Variants in ZKSCAN2 observed in about 807,000 individuals in gnomAD.
The protein encoded by ZKSCAN2 is zinc finger protein with KRAB and SCAN domains 2.
In ZKSCAN2, 38 loss-of-function variants were observed where a neutral mutation model predicts 90.5. The ratio of observed to expected loss-of-function variants is 0.42; its 90% CI spans 0.32 to 0.55. The LOEUF (loss-of-function observed/expected upper bound fraction) is 0.55. Ranked by LOEUF, ZKSCAN2 falls within the 20% of genes least tolerant of loss-of-function variation. The pLI, the probability that ZKSCAN2 is intolerant of heterozygous loss-of-function variation, is 0.11. For synonymous variants in ZKSCAN2, 429 were observed against 421.6 expected, an observed-to-expected ratio of 1.02 and a Z score of -0.22; for missense variants, 1,167 against 1,202.6, an observed-to-expected ratio of 0.97 and a Z score of 0.44.
intron 3 of ZKSCAN2, among the ~76,000 whole-genome samples, chr16:25,252,311 T>A (rs1328646538): frequency 6.6e-6 from 1 of 152,054 alleles, no homozygotes; most frequent in Non-Finnish European, 1.5e-5. Context: ...GGACTATAAG[T>A]GTATTTACAG....
chr16:25,257,059 C>T lies in ZKSCAN2; in HGVS notation c.69G>A (p.Val23=), dbSNP rs1161286775. The change falls in exon 1 of 7, where the codon GTG becomes GTA. Residue 23 remains valine, a synonymous_variant. Coordinates refer to ENST00000328086, the MANE Select transcript of ZKSCAN2 (RefSeq NM_001012981.5). ...CTGATGCCCACTCAGGGTCCTTTTCCACCTTCATTATTAGGCATCCCTCAA... is the reference window on the plus strand; with the variant it reads ...CTGATGCCCACTCAGGGTCCTTTTCTACCTTCATTATTAGGCATCCCTCAA... ...LEVEGCLIMK[V]EKDPEWASEP... 5.6e-6 allele frequency: 9 copies of T among 1,613,898 alleles called. No individual in the cohort carries two copies. The highest frequency in any genetic ancestry group is 5.0e-5 in the Admixed American group (3 of 59,978).
chr16:25,242,882 T>C (rs919276724), intron 6 of ZKSCAN2, among the ~76,000 whole-genome samples: 8 of 152,168 alleles, frequency 5.3e-5, no homozygotes, highest in Non-Finnish European at 8.8e-5. Context: ...TGGCTAATGG[T>C]AACTGAAGAG....
chr16:25,252,785 T>G (rs1963040256), intron 3 of ZKSCAN2, among the ~76,000 whole-genome samples, 161 bp downstream of exon 3: 1 of 151,958 alleles, frequency 6.6e-6, no homozygotes, highest in Admixed American at 6.6e-5. Flanking sequence ...TGTGGTGGCA[T>G]GCACCTGTGG....
Position 25,255,295 on chromosome 16 carries a change from G to A in ZKSCAN2, c.497C>T (p.Ala166Val), listed in dbSNP as rs140961331. The change falls in exon 2 of 7, where the codon GCG becomes GTG. Residue 166 changes from alanine to valine, a missense_variant. By Grantham distance (64) the Ala-to-Val change is moderately conservative. Transcript: ENST00000328086. ...GCTTCCAGGTTCCTCCCGAGACACC[G>A]CCCTGGGTTGGGTCTCCACCTGCTC... ...QPEQVETQPR[A>V]VSREEPGSLH... is the part of the protein sequence containing the mutation. The A allele has an allele frequency of 7.1e-5, 115 of 1,613,606 alleles. No individual in the cohort carries two copies. In the African/African-American group the frequency reaches 1.0e-3, roughly 15 times the overall value.
chr16:25,242,910 T>C (rs528810068), intron 6 of ZKSCAN2, among the ~76,000 whole-genome samples: 1 of 152,316 alleles, frequency 6.6e-6, no homozygotes. Flanking sequence ...ATAGACGTGA[T>C]AGTCTGGATG....
intron 5 of ZKSCAN2, among the ~76,000 whole-genome samples, chr16:25,245,353 C>T (rs1353356803): frequency 1.3e-5 from 2 of 152,214 alleles, no homozygotes; most frequent in African/African-American, 4.8e-5. Flanking sequence ...ATCCTCCCAT[C>T]TCAGTCTCCT....
In ZKSCAN2 at chr16:25,240,805, C is replaced by G. The variant is rs1597639128; in HGVS notation, c.1982-67G>C. ...TATTAACCATAAACAACCTGGCTTGCAAGGCTTGATCCGCTTGCTCTCCAT... is the reference window on the plus strand; with the variant it reads ...TATTAACCATAAACAACCTGGCTTGGAAGGCTTGATCCGCTTGCTCTCCAT... On this transcript the variant is annotated intron_variant, in intron 6 of 6. Coordinates refer to ENST00000328086, the MANE Select transcript of ZKSCAN2 (RefSeq NM_001012981.5). 15 of 1,390,510 alleles carry G rather than the reference C, an allele frequency of 1.1e-5. No homozygotes were observed. The East Asian group carries it at 3.4e-4, about 32-fold the overall frequency. 86.1% of individuals were successfully genotyped at this position (1,390,510 alleles called of 1,614,324 possible).
rs371273297 is a variant in ZKSCAN2, at chr16:25,241,340, G to A, written c.1982-602C>T. ...ACTACATCTTGGATCCAGATTTTCT[G>A]TTAAGTTTTCTGGACAGAGAGCATG... On this transcript the variant is annotated intron_variant, in intron 6 of 6. Coordinates refer to ENST00000328086, the MANE Select transcript of ZKSCAN2 (RefSeq NM_001012981.5). Among the ~76,000 whole-genome samples the A allele has an allele frequency of 5.3e-5, 8 of 152,264 alleles. 1 individual carries two copies.
rs1310511570 is a variant in ZKSCAN2 at position 25,240,110 on chromosome 16, G to A, written c.2610C>T (p.Asn870=). The change falls in exon 7 of 7, where the codon AAC becomes AAT. Residue 870 remains asparagine (N), a synonymous_variant. Coordinates refer to ENST00000328086, the MANE Select transcript of ZKSCAN2 (RefSeq NM_001012981.5). ...TCCGGTGGGCGCTGAAATGAGAACTGTTGGTGAAACTTTTCCCACACTCTC... is the reference window on the plus strand; with the variant it reads ...TCCGGTGGGCGCTGAAATGAGAACTATTGGTGAAACTTTTCCCACACTCTC... The part of the protein sequence containing the change: ...QCGECGKSFT[N]SSHFSAHRRV... The A allele has an allele frequency of 6.2e-7, 1 of 1,613,384 alleles. No homozygotes were observed. The highest frequency in any genetic ancestry group is 1.7e-5 in the Admixed American group (1 of 59,952).
At position 25,247,392 on chromosome 16, in the gene ZKSCAN2, T is replaced by C. The variant is rs200307866; in HGVS notation, c.806-2A>G. ...TGTTAGATGTAGACACTGCACTTCC[T>C]ACAGTAAAATAAACATATTTCATGG... On this transcript the variant is annotated splice_acceptor_variant, in intron 4 of 6. Coordinates refer to ENST00000328086, the MANE Select transcript of ZKSCAN2 (RefSeq NM_001012981.5). LOFTEE classifies it high-confidence loss of function. The C allele has an allele frequency of 6.3e-7, 1 of 1,595,710 alleles. No individual in the cohort carries two copies. The highest frequency in any genetic ancestry group is 2.2e-5 in the East Asian group (1 of 44,736).
chr16:25,247,736 G>C (rs1962955291), intron 4 of ZKSCAN2, among the ~76,000 whole-genome samples: 1 of 152,148 alleles, frequency 6.6e-6, no homozygotes, highest in Non-Finnish European at 1.5e-5. Context: ...GTAAAATAAA[G>C]TGTATCTTTT....
At chr16:25,253,900 C>T (rs1375816162) in intron 2 of ZKSCAN2, among the ~76,000 whole-genome samples, 5 of 152,156 alleles carry the variant, frequency 3.3e-5, no homozygotes, top group East Asian at 1.9e-4. Context: ...CCCAGCTACT[C>T]GAGAGACTGA....
At position 25,255,224 on chromosome 16, in the gene ZKSCAN2, G is replaced by A. The variant is rs188902981; in HGVS notation, c.568C>T (p.Arg190Trp). 1.3e-4 allele frequency: 203 copies of A among 1,607,244 alleles called. 2 individuals carry two copies. The East Asian group carries it at 4.2e-3, about 34-fold the overall frequency. ...QEQLNRKRER[R>W]PLPKNARPSP... The stretch of plus-strand genomic sequence containing the variant: ...CTCTTACCATTCTTGGGTAAGGGCC[G>A]ACGTTCTCGCTTTCGGTTCAGCTGT... Residue 190 changes from arginine (R) to tryptophan (W), a missense_variant, in exon 2 of 7, where the codon CGG becomes TGG. Physicochemically the swap from Arg to Trp is moderately radical, Grantham distance 101. Coordinates refer to ENST00000328086, the MANE Select transcript of ZKSCAN2 (RefSeq NM_001012981.5).
Position 25,240,380 on chromosome 16 carries a change from A to G in ZKSCAN2, c.2340T>C (p.Cys780=). 6.2e-7 allele frequency: 1 copy of G among 1,614,132 alleles called. No homozygotes were observed. Among genetic ancestry groups the G allele is most frequent in the East Asian group, 2.2e-5 (1 of 44,876 alleles). The change falls in exon 7 of 7, where the codon TGT becomes TGC. Residue 780 remains cysteine (C), a synonymous_variant. Coordinates refer to ENST00000328086, the MANE Select transcript of ZKSCAN2 (RefSeq NM_001012981.5). ...TCCTGCTTCTACCAAAGCACTTCCC[A>G]CAGACACCACACTTGTAAGGATTCT... ...HKENPYKCGV[C]GKCFGRSRSL...
chr16:25,256,999 G>C lies in ZKSCAN2; in HGVS notation c.129C>G (p.Thr43=). ...AGAATTGCCTGAAGCATTTGCGGAA[G>C]GTCTCAGAGCTATCCGATCCTTCCA... is the stretch of plus-strand genomic sequence containing the variant. ...PILEGSDSSE[T]FRKCFRQFCY... Residue 43 remains threonine (T), a synonymous_variant, in exon 1 of 7, where the codon ACC becomes ACG. Transcript: ENST00000328086. 6.2e-7 allele frequency: 1 copy of C among 1,614,208 alleles called. No individual in the cohort carries two copies.
In ZKSCAN2 at chr16:25,255,505, C is replaced by A. The variant is rs577660493; in HGVS notation, c.400-113G>T. 261 of 1,170,044 alleles carry A rather than the reference C, an allele frequency of 2.2e-4. 2 individuals are homozygous for A. In the Admixed American group the frequency reaches 6.7e-3, roughly 30 times the overall value. 72.5% of individuals were successfully genotyped at this position (1,170,044 alleles called of 1,614,324 possible). A position where few individuals can be genotyped will look rare whatever the true frequency, so the allele number is the denominator to read the frequency against. On this transcript the variant is annotated intron_variant, in intron 1 of 6. Transcript: ENST00000328086. The stretch of plus-strand genomic sequence containing the variant: ...AGAGACATGAGAAGGAATGAAAATT[C>A]CACTCCATTCCCAGTGGAGTCTCTG...
Position 25,240,094 on chromosome 16 carries a change from C to T in ZKSCAN2, c.2626G>A (p.Ala876Thr), listed in dbSNP as rs146263630. The T allele has an allele frequency of 5.1e-4, 818 of 1,613,458 alleles. 1 individual carries two copies. Among genetic ancestry groups the T allele is most frequent in the Non-Finnish European group, 6.3e-4 (740 of 1,179,978 alleles). ...TCCCCAGTGTGAACTCTCCGGTGGG[C>T]GCTGAAATGAGAACTGTTGGTGAAA... ...KSFTNSSHFSAHRRVHTGENP... is the reference protein window; with the variant it reads ...KSFTNSSHFSTHRRVHTGENP... Residue 876 changes from alanine (A) to threonine (T), a missense_variant, in exon 7 of 7, where the codon GCC (alanine) becomes ACC (threonine). Coordinates refer to ENST00000328086, the MANE Select transcript of ZKSCAN2 (RefSeq NM_001012981.5).
Position 25,236,271 on chromosome 16 carries a change from T to G in ZKSCAN2, c.*3545A>C, listed in dbSNP as rs1039500475. 1 of 152,284 alleles carries G rather than the reference T, an allele frequency of 6.6e-6. No individual in the cohort carries two copies. The highest frequency in any genetic ancestry group is 1.5e-5 in the Non-Finnish European group (1 of 68,086). The allele number at this position is 152,284 out of a possible 1,614,324, so 9.4% of individuals were successfully genotyped here. A position where few individuals can be genotyped will look rare whatever the true frequency, so the allele number is the denominator to read the frequency against. Reference sequence around the variant, plus strand: ...GAGGCTTCCTTCACTTCAGCCTACCTGCCACTGGTTATCGAGGTGCTTGGG... The same window carrying G: ...GAGGCTTCCTTCACTTCAGCCTACCGGCCACTGGTTATCGAGGTGCTTGGG... On this transcript the variant is annotated 3_prime_UTR_variant, in exon 7 of 7. Transcript: ENST00000328086.
Position 25,239,200 on chromosome 16 carries a change from T to C in ZKSCAN2, c.*616A>G, listed in dbSNP as rs1962810773. Reference sequence around the variant, plus strand: ...CTCACCTCCATGGAGGGCAAGGCATTAGTAACAGGATTTCAGTGACAATAC... The same window carrying C: ...CTCACCTCCATGGAGGGCAAGGCATCAGTAACAGGATTTCAGTGACAATAC... On this transcript the variant is annotated 3_prime_UTR_variant, in exon 7 of 7. Coordinates refer to ENST00000328086, the MANE Select transcript of ZKSCAN2 (RefSeq NM_001012981.5). 6.6e-6 allele frequency: 1 copy of C among 151,120 alleles called. No individual in the cohort carries two copies. Among genetic ancestry groups the C allele is most frequent in the South Asian group, 2.1e-4 (1 of 4,772 alleles). The allele number at this position is 151,120 out of a possible 1,614,324, so 9.4% of individuals were successfully genotyped here. A position where few individuals can be genotyped will look rare whatever the true frequency, so the allele number is the denominator to read the frequency against.
Sources: allele counts gnomAD v4.1 joint callset (sites outside exome capture counted in the v4.1 genomes callset), GRCh38; gene constraint gnomAD v4.1.1; transcripts MANE v1.5; gene names NCBI Gene and HGNC (gene_info 2026-07-23, HGNC 2026-07-21).